The following KLHL29 variants were observed in gnomAD, a reference collection of about 807,000 sequenced individuals.
KLHL29 encodes the protein kelch like family member 29, also known as kelch-like protein 29.
A neutral mutation model predicts 80.4 loss-of-function variants in KLHL29; 21 were observed. The observed-to-expected ratio is 0.26, with a 90% confidence interval of 0.19 to 0.38. The LOEUF (loss-of-function observed/expected upper bound fraction) is 0.38. KLHL29 is among the 10% of genes least tolerant of loss of function. The pLI is 1.00. For synonymous variants in KLHL29, 511 were observed against 526.8 expected, an observed-to-expected ratio of 0.97 and a Z score of 0.41; for missense variants, 867 against 1,223.9, an observed-to-expected ratio of 0.71 and a Z score of 4.35.
At chr2:23,501,271 G>A (rs1572359894) in intron 2 of KLHL29, among the ~76,000 whole-genome samples, 1 of 151,868 alleles carries the variant, frequency 6.6e-6, no homozygotes, top group African/African-American at 2.4e-5. Flanking sequence ...GGGTCCAATT[G>A]GTATCAGCCC....
At chr2:23,632,596 G>A (rs1417606798) in intron 3 of KLHL29, among the ~76,000 whole-genome samples, 2 of 152,264 alleles carry the variant, frequency 1.3e-5, no homozygotes, top group East Asian at 1.9e-4. Flanking sequence ...TTCCCCCCAG[G>A]GCAAGCCAGG....
At chr2:23,660,057 TTCC>T (rs1374300042) in intron 5 of KLHL29, among the ~76,000 whole-genome samples, 1 of 152,090 alleles carries the variant, frequency 6.6e-6, no homozygotes, top group Non-Finnish European at 1.5e-5. Flanking sequence ...CTTTAGCCTG[TTCC>T]TCCTCCAGAA....
In KLHL29 at chr2:23,639,253, A is replaced by G. The variant is rs1246588869; in HGVS notation, c.400A>G (p.Lys134Glu). 2 of 1,548,622 alleles carry G rather than the reference A, an allele frequency of 1.3e-6. No individual in the cohort carries two copies. The highest frequency in any genetic ancestry group is 1.7e-6 in the Non-Finnish European group (2 of 1,145,666). ...TPWDTDEPPS[K>E]QMRESDNPGT... Reference sequence around the variant, plus strand: ...CTGGGACACTGATGAGCCACCCTCCAAACAGATGAGAGAGAGTGACAATCC... The same window carrying G: ...CTGGGACACTGATGAGCCACCCTCCGAACAGATGAGAGAGAGTGACAATCC... Residue 134 changes from lysine (K) to glutamate (E), a missense_variant, in exon 4 of 14, where the codon AAA becomes GAA. By Grantham distance (56) the Lys-to-Glu change is moderately conservative. Transcript: ENST00000486442.
Position 23,552,761 on chromosome 2 carries a change from C to CTTTTTTTTTTTTTTTTTTTTTTTTTTT in KLHL29, c.-45-9374_-45-9373insTTTTTTTTTTTTTTTTTTTTTTTTTTT, listed in dbSNP as rs60558023. ...CACGGCTATAGCTCTGGTTTCTTTT[C>CTTTTTTTTTTTTTTTTTTTTTTTTTTT]TTTTTTTTTTTTTTTTTGAGATGGC... On this transcript the variant is annotated intron_variant, in intron 2 of 13. Coordinates refer to ENST00000486442, the MANE Select transcript of KLHL29 (RefSeq NM_052920.2). Among the ~76,000 whole-genome samples, 10 of 95,544 alleles carry CTTTTTTTTTTTTTTTTTTTTTTTTTTT rather than the reference C, an allele frequency of 1.0e-4. 2 individuals carry two copies. Among genetic ancestry groups the CTTTTTTTTTTTTTTTTTTTTTTTTTTT allele is most frequent in the African/African-American group, 4.2e-4 (9 of 21,210 alleles). The allele number at this position is 95,544 out of a possible 152,430, so 62.7% of individuals were successfully genotyped here.
chr2:23,491,451 A>G (rs527553990), intron 2 of KLHL29, among the ~76,000 whole-genome samples: 1 of 152,270 alleles, frequency 6.6e-6, no homozygotes, highest in South Asian at 2.1e-4. Flanking sequence ...CCAGCAAACC[A>G]GTAGCAGGGC....
At chr2:23,464,807 A>G (rs1237103751) in intron 1 of KLHL29, among the ~76,000 whole-genome samples, 2 of 152,114 alleles carry the variant, frequency 1.3e-5, no homozygotes, top group Non-Finnish European at 2.9e-5. Flanking sequence ...CAGGAAGTTG[A>G]TGGGTGTAAT....
At chr2:23,676,790 T>G (rs1374053770) in intron 5 of KLHL29, among the ~76,000 whole-genome samples, 2 of 152,094 alleles carry the variant, frequency 1.3e-5, no homozygotes, top group Non-Finnish European at 2.9e-5. Context: ...TGGAACATGA[T>G]AGAATATGAA....
At position 23,596,110 on chromosome 2, in the gene KLHL29, C is replaced by G. The variant is rs1392984816; in HGVS notation, c.285+33629C>G. On this transcript the variant is annotated intron_variant, in intron 3 of 13. Transcript: ENST00000486442. This position sits in a 1 kb window ranked among gnomAD's most constrained non-coding sequence, Gnocchi z 4.4. ...TGGGGTTGCCATGGAGAAGCTGGGT[C>G]TGTTGGTGGTTTGAACTGAGCCGCA... Among the ~76,000 whole-genome samples the G allele has an allele frequency of 6.6e-6, 1 of 152,162 alleles. No individual in the cohort carries two copies. Among genetic ancestry groups the G allele is most frequent in the Non-Finnish European group, 1.5e-5 (1 of 68,040 alleles).
At position 23,696,796 on chromosome 2, in the gene KLHL29, C is replaced by A; in HGVS notation, c.2105+283C>A. 2.9e-6 allele frequency: 1 copy of A among 343,314 alleles called. No homozygotes were observed. Among genetic ancestry groups the A allele is most frequent in the East Asian group, 7.0e-5 (1 of 14,234 alleles). 21.3% of individuals were successfully genotyped at this position (343,314 alleles called of 1,614,324 possible). On this transcript the variant is annotated intron_variant, in intron 11 of 13. Transcript: ENST00000486442. This position sits in a 1 kb window ranked among gnomAD's most constrained non-coding sequence, Gnocchi z 5.5. ...TTTAGGTGTCAGACAAGCTGGAGGCCCAAGATCCAGTTGCAGAAGGCCTGG... is the reference window on the plus strand; with the variant it reads ...TTTAGGTGTCAGACAAGCTGGAGGCACAAGATCCAGTTGCAGAAGGCCTGG...
At chr2:23,441,870 C>T (rs1663535494) in intron 1 of KLHL29, among the ~76,000 whole-genome samples, 1 of 152,182 alleles carries the variant, frequency 6.6e-6, no homozygotes, top group Non-Finnish European at 1.5e-5. Flanking sequence ...ACTTATTCAG[C>T]CTCTGCTTGT....
intron 1 of KLHL29, among the ~76,000 whole-genome samples, chr2:23,405,199 A>G (rs1558325921): frequency 2.0e-5 from 3 of 152,206 alleles, no homozygotes; most frequent in Non-Finnish European, 2.9e-5. Flanking sequence ...TGTTCAATCC[A>G]TACCAATATT....
intron 3 of KLHL29, among the ~76,000 whole-genome samples, chr2:23,622,100 A>T (rs557696844): frequency 1.3e-5 from 2 of 152,332 alleles, no homozygotes; most frequent in East Asian, 1.9e-4. Context: ...CCTGGGACAC[A>T]GGGAACTGTG....
chr2:23,493,008 A>T (rs866771147), intron 2 of KLHL29, among the ~76,000 whole-genome samples: 1 of 152,208 alleles, frequency 6.6e-6, no homozygotes, highest in Non-Finnish European at 1.5e-5. Flanking sequence ...CATCTGCAAC[A>T]GTGGAAATAT....
intron 1 of KLHL29, among the ~76,000 whole-genome samples, chr2:23,415,930 TAAG>T (rs1666975431): frequency 6.6e-6 from 1 of 152,142 alleles, no homozygotes; most frequent in Non-Finnish European, 1.5e-5. Flanking sequence ...GAGCAGTGAA[TAAG>T]AAGACATGGG....
At chr2:23,413,522 G>A (rs1302962098) in intron 1 of KLHL29, among the ~76,000 whole-genome samples, 4 of 152,074 alleles carry the variant, frequency 2.6e-5, no homozygotes, top group South Asian at 4.2e-4. Context: ...GTAACTATCC[G>A]CTCATTTATT....
At chr2:23,598,527 A>G (rs569696017) in intron 3 of KLHL29, among the ~76,000 whole-genome samples, 3 of 152,296 alleles carry the variant, frequency 2.0e-5, no homozygotes, top group African/African-American at 7.2e-5. Context: ...AGTGCCTGCT[A>G]CAGCCATGGA....
intron 1 of KLHL29, among the ~76,000 whole-genome samples, chr2:23,417,969 G>A (rs1428341380): frequency 6.6e-6 from 1 of 152,134 alleles, no homozygotes; most frequent in African/African-American, 2.4e-5. Context: ...CCATCGCCCT[G>A]GAGTAGTTTG....
intron 3 of KLHL29, among the ~76,000 whole-genome samples, chr2:23,594,423 T>G (rs605953): frequency 0.66 from 100,274 of 151,812 alleles, 33,402 homozygotes; most frequent in South Asian, 0.74. Context: ...TGGATTGTTC[T>G]AATCCCAGAC....
intron 3 of KLHL29, among the ~76,000 whole-genome samples, chr2:23,631,608 G>A (rs1669471120): frequency 6.6e-6 from 1 of 152,212 alleles, no homozygotes; most frequent in Admixed American, 6.5e-5. Flanking sequence ...AGGGCAGGTG[G>A]GGCTTGGGAG....
Sources: gnomAD v4.1 joint callset for allele counts (sites outside exome capture counted in the v4.1 genomes callset) on GRCh38, gnomAD v4.1.1 for gene constraint, Gnocchi (gnomAD v3.1) non-coding constraint, MANE v1.5 for transcripts, NCBI Gene and HGNC (gene_info 2026-07-23, HGNC 2026-07-21) for gene names.